CMSS1: variants seen among roughly 807,000 people sequenced by gnomAD.
CMSS1 encodes protein CMSS1.
CMSS1 carries 33 observed loss-of-function variants against 43.5 expected under a neutral mutation model. That is an observed-to-expected ratio of 0.76 (90% CI 0.57 to 1.01). CMSS1 has a LOEUF of 1.01. Ranked by LOEUF, CMSS1 falls within the 50% of genes least tolerant of loss-of-function variation. The probability of loss-of-function intolerance (pLI) is 0.00; values close to 1 mark genes in which losing one functional copy is unlikely to be tolerated. For synonymous variants in CMSS1, 115 were observed against 117.2 expected, an observed-to-expected ratio of 0.98 and a Z score of 0.12; for missense variants, 313 against 326.4, an observed-to-expected ratio of 0.96 and a Z score of 0.32.
chr3:99,979,163 G>C (rs1709050471), intron 1 of CMSS1, among the ~76,000 whole-genome samples: 1 of 152,070 alleles, frequency 6.6e-6, no homozygotes, highest in Non-Finnish European at 1.5e-5. Context: ...ATTACACACT[G>C]TATACCTATA....
chr3:99,818,152 A>G, intron 1 of CMSS1, 109 bp downstream of exon 1: 1 of 1,027,088 alleles, frequency 9.7e-7, no homozygotes, highest in Non-Finnish European at 1.5e-6. Flanking sequence ...AGGGGTGTGC[A>G]CCGCCTTGGG....
At chr3:99,832,316 C>T (rs1197902312) in intron 1 of CMSS1, among the ~76,000 whole-genome samples, 16 of 150,194 alleles carry the variant, frequency 1.1e-4, no homozygotes, top group African/African-American at 3.7e-4. Context: ...CTGCAAGCTC[C>T]GCCTCCCGGG....
chr3:100,128,148 C>G (rs766060254), intron 1 of CMSS1, among the ~76,000 whole-genome samples: 3 of 152,168 alleles, frequency 2.0e-5, no homozygotes, highest in South Asian at 4.1e-4. Flanking sequence ...ACAATGCCAG[C>G]CTTTCTCACA....
chr3:100,061,338 G>A lies in CMSS1; in HGVS notation c.65-85635G>A, dbSNP rs146026357. ...AGTTGGGGCCAAGCACATGACATTC[G>A]AAAATCTTCACAGGTGGTTGAGGAC... is the stretch of plus-strand genomic sequence containing the variant. On this transcript the variant is annotated intron_variant, in intron 1 of 9. Coordinates refer to ENST00000421999, the MANE Select transcript of CMSS1 (RefSeq NM_032359.4). Among the ~76,000 whole-genome samples the A allele has an allele frequency of 3.0e-3, 453 of 152,286 alleles. 1 individual carries two copies. The highest frequency in any genetic ancestry group is 0.01 in the African/African-American group (419 of 41,556).
chr3:100,011,459 ATCT>A, intron 1 of CMSS1, among the ~76,000 whole-genome samples: 1 of 152,312 alleles, frequency 6.6e-6, no homozygotes, highest in South Asian at 2.1e-4. Context: ...GTTAGATGCC[ATCT>A]TCCTCCAAAA....
At chr3:99,869,889 A>G (rs769368498) in intron 1 of CMSS1, among the ~76,000 whole-genome samples, 5 of 152,206 alleles carry the variant, frequency 3.3e-5, no homozygotes, top group Admixed American at 6.5e-5. Context: ...AGGGCAGCCC[A>G]TCTTAGAGGA....
chr3:99,892,241 T>C (rs1427770762), intron 1 of CMSS1, among the ~76,000 whole-genome samples: 1 of 152,224 alleles, frequency 6.6e-6, no homozygotes, highest in African/African-American at 2.4e-5. Flanking sequence ...TCCAATTTTG[T>C]ATGGAGAACC....
At chr3:100,143,743 G>T (rs1212257731) in intron 1 of CMSS1, among the ~76,000 whole-genome samples, 1 of 152,140 alleles carries the variant, frequency 6.6e-6, no homozygotes, top group Non-Finnish European at 1.5e-5. Flanking sequence ...TGGAGAGCCT[G>T]CTGTTTGGTG....
At chr3:100,039,442 A>G (rs1575975259) in intron 1 of CMSS1, among the ~76,000 whole-genome samples, 1 of 152,218 alleles carries the variant, frequency 6.6e-6, no homozygotes, top group East Asian at 1.9e-4. Context: ...GTGGAGTTCT[A>G]CAAAAATACC....
chr3:100,030,434 A>C (rs1576655144), intron 1 of CMSS1, among the ~76,000 whole-genome samples: 1 of 152,160 alleles, frequency 6.6e-6, no homozygotes, highest in African/African-American at 2.4e-5. Context: ...GATAATTTTC[A>C]TCATATTTGT....
At chr3:99,912,006 A>G (rs1209018559) in intron 1 of CMSS1, among the ~76,000 whole-genome samples, 1 of 152,102 alleles carries the variant, frequency 6.6e-6, no homozygotes, top group Non-Finnish European at 1.5e-5. Context: ...TCCTAATAAC[A>G]TTAAAAGTTT....
intron 1 of CMSS1, among the ~76,000 whole-genome samples, chr3:100,061,788 TCA>T (rs1309540642): frequency 2.6e-5 from 4 of 152,232 alleles, no homozygotes; most frequent in Non-Finnish European, 5.9e-5. Context: ...ACCCAAGGAC[TCA>T]CAGCTAGGAA....
rs1253718887 is a variant in CMSS1 at position 100,181,520 on chromosome 3, G to C, written c.*3132G>C. The C allele has an allele frequency of 6.6e-6, 1 of 152,154 alleles. No individual in the cohort carries two copies. Among genetic ancestry groups the C allele is most frequent in the Non-Finnish European group, 1.5e-5 (1 of 68,036 alleles). 9.4% of individuals were successfully genotyped at this position (152,154 alleles called of 1,614,324 possible). A position where few individuals can be genotyped will look rare whatever the true frequency, so the allele number is the denominator to read the frequency against. On this transcript the variant is annotated 3_prime_UTR_variant, in exon 10 of 10. Coordinates refer to ENST00000421999, the MANE Select transcript of CMSS1 (RefSeq NM_032359.4). ...CCACTAATGTCCTTGTTCTATTCCA[G>C]GATTCACTGCAGGATCCCACATTGC...
chr3:99,911,244 G>C (rs1266447426), intron 1 of CMSS1, among the ~76,000 whole-genome samples: 1 of 151,364 alleles, frequency 6.6e-6, no homozygotes, highest in Non-Finnish European at 1.5e-5. Context: ...TACAATAATG[G>C]ATAATGTGAA....
intron 1 of CMSS1, among the ~76,000 whole-genome samples, chr3:100,042,360 C>T (rs1460976471): frequency 6.6e-6 from 1 of 152,026 alleles, no homozygotes; most frequent in African/African-American, 2.4e-5. Context: ...GGCTCTGTGA[C>T]CAGCCAATAC....
intron 2 of CMSS1, among the ~76,000 whole-genome samples, chr3:100,151,763 C>T (rs2066910994): frequency 1.3e-5 from 2 of 152,166 alleles, no homozygotes; most frequent in Non-Finnish European, 2.9e-5. Flanking sequence ...CCCCCAGTGA[C>T]TTATATCCCT....
intron 1 of CMSS1, chr3:99,851,021 G>A: frequency 6.2e-7 from 1 of 1,610,518 alleles, no homozygotes; most frequent in East Asian, 2.2e-5. Context: ...TCCTTTTCTT[G>A]CTCCTTCTCC....
chr3:100,153,411 G>T (rs1180235407), intron 2 of CMSS1, among the ~76,000 whole-genome samples: 1 of 152,306 alleles, frequency 6.6e-6, no homozygotes, highest in East Asian at 1.9e-4. Flanking sequence ...CATTAAGTCT[G>T]CTAGGGCTGC....
rs141913286 is a variant in CMSS1 at position 99,987,454 on chromosome 3, G to A, written c.65-159519G>A. 4.5e-3 allele frequency among the ~76,000 whole-genome samples: 677 copies of A among 150,464 alleles called. 7 individuals carry two copies. Among genetic ancestry groups the A allele is most frequent in the African/African-American group, 0.016 (661 of 40,926 alleles). ...TGAGACAGGAGACTCTCTTGAACCC[G>A]GGAGGCAGAGGTTGCAGTGAGCCAA... On this transcript the variant is annotated intron_variant, in intron 1 of 9. Coordinates refer to ENST00000421999, the MANE Select transcript of CMSS1 (RefSeq NM_032359.4).
Sources: gnomAD v4.1 joint callset for allele counts (sites outside exome capture counted in the v4.1 genomes callset) on GRCh38, gnomAD v4.1.1 for gene constraint, MANE v1.5 for transcripts, NCBI Gene and HGNC (gene_info 2026-07-23, HGNC 2026-07-21) for gene names.